SEMA3E: variants seen among roughly 807,000 people sequenced by gnomAD.
SEMA3E encodes semaphorin-3E.
A neutral mutation model predicts 93.6 loss-of-function variants in SEMA3E; 49 were observed. The ratio of observed to expected loss-of-function variants is 0.52; its 90% CI spans 0.42 to 0.66. The LOEUF is 0.66. Ranked by LOEUF, SEMA3E falls within the 30% of genes least tolerant of loss-of-function variation. The pLI, the probability that SEMA3E is intolerant of heterozygous loss-of-function variation, is 0.00. For synonymous variants in SEMA3E, 363 were observed against 330.7 expected (o/e 1.10, Z -1.06); for missense variants, 906 against 964.8 (o/e 0.94, Z 0.81).
intron 4 of SEMA3E, among the ~76,000 whole-genome samples, chr7:83,452,484 T>C (rs1404809673): frequency 6.6e-6 from 1 of 152,166 alleles, no homozygotes; most frequent in Non-Finnish European, 1.5e-5. Context: ...GCTGTTTCTC[T>C]CAGGGCCTTC....
chr7:83,605,416 C>T (rs1052153586), intron 1 of SEMA3E, among the ~76,000 whole-genome samples: 1 of 151,312 alleles, frequency 6.6e-6, no homozygotes, highest in Admixed American at 6.6e-5. Flanking sequence ...GTTTCTTGGC[C>T]GCATAAATGT....
chr7:83,629,798 G>A (rs928949424), intron 1 of SEMA3E, among the ~76,000 whole-genome samples: 3 of 152,222 alleles, frequency 2.0e-5, no homozygotes, highest in Non-Finnish European at 4.4e-5. Context: ...GGGAGCGAAC[G>A]GATCTGCCTC....
intron 2 of SEMA3E, among the ~76,000 whole-genome samples, chr7:83,478,670 C>T (rs1410635997): frequency 6.6e-6 from 1 of 152,130 alleles, no homozygotes; most frequent in Non-Finnish European, 1.5e-5. Context: ...CTACTACTGT[C>T]ACTAGCAACT....
chr7:83,460,207 C>G (rs1193001488), intron 4 of SEMA3E, among the ~76,000 whole-genome samples: 2 of 152,124 alleles, frequency 1.3e-5, no homozygotes, highest in South Asian at 2.1e-4. Context: ...AAAGATCCAC[C>G]TACGACCTCA....
In SEMA3E at chr7:83,394,297, C is replaced by A. The variant is rs767115234; in HGVS notation, c.1500G>T (p.Arg500=). ...PIISMEISSK[R]QQLYIGSASA... ...ACACACACACACACACAGAACTTACCCGCTTTGAAGAAATCTCCATAGAAA... is the reference window on the plus strand; with the variant it reads ...ACACACACACACACACAGAACTTACACGCTTTGAAGAAATCTCCATAGAAA... Residue 500 remains arginine, a splice_region_variant and synonymous_variant, in exon 13 of 17, where the codon CGG becomes CGT. Coordinates refer to ENST00000643230, the MANE Select transcript of SEMA3E (RefSeq NM_012431.3). 2.5e-5 allele frequency: 40 copies of A among 1,612,768 alleles called. No homozygotes were observed. The highest frequency in any genetic ancestry group is 3.3e-4 in the Middle Eastern group (2 of 6,072).
chr7:83,575,074 G>A (rs10281497), intron 1 of SEMA3E, among the ~76,000 whole-genome samples: 3 of 152,078 alleles, frequency 2.0e-5, no homozygotes, highest in African/African-American at 7.2e-5. Flanking sequence ...TAGTTTAGAT[G>A]TTGGCTTCAG....
intron 4 of SEMA3E, among the ~76,000 whole-genome samples, 165 bp downstream of exon 4, chr7:83,466,317 A>T (rs1789754451): frequency 6.6e-6 from 1 of 152,234 alleles, no homozygotes; most frequent in South Asian, 2.1e-4. Flanking sequence ...GTACTTGACA[A>T]GAATTTTAAA....
chr7:83,405,044 T>C (rs1440800107), intron 9 of SEMA3E, among the ~76,000 whole-genome samples: 2 of 152,018 alleles, frequency 1.3e-5, no homozygotes, highest in African/African-American at 2.4e-5. Context: ...ACAGTTGAGA[T>C]AGAACCTTGA....
chr7:83,436,576 A>T (rs1346803502), intron 4 of SEMA3E, among the ~76,000 whole-genome samples: 2 of 152,122 alleles, frequency 1.3e-5, no homozygotes, highest in Non-Finnish European at 2.9e-5. Flanking sequence ...AAGGAATGCA[A>T]GTAAAAGTCA....
chr7:83,470,118 T>C (rs1372466442), intron 2 of SEMA3E, among the ~76,000 whole-genome samples: 1 of 152,212 alleles, frequency 6.6e-6, no homozygotes, highest in Non-Finnish European at 1.5e-5. Context: ...GTTTTAATTG[T>C]ATTTTAAGAT....
At chr7:83,644,419 T>G (rs981783192) in intron 1 of SEMA3E, among the ~76,000 whole-genome samples, 3 of 151,940 alleles carry the variant, frequency 2.0e-5, no homozygotes, top group Non-Finnish European at 4.4e-5. Flanking sequence ...ACTCATAACA[T>G]TTTCAAGGTT....
chr7:83,394,271 TACACAC>T lies in SEMA3E; in HGVS notation c.1500+20_1500+25del. 2.7e-6 allele frequency: 4 copies of T among 1,489,208 alleles called. No homozygotes were observed. Among genetic ancestry groups the T allele is most frequent in the South Asian group, 1.2e-5 (1 of 83,802 alleles). 92.2% of individuals were successfully genotyped at this position (1,489,208 alleles called of 1,614,324 possible). The stretch of plus-strand genomic sequence containing the variant: ...AGCTCACATATAGAACACACACACC[TACACAC>T]ACACACACACAGAACTTACCCGCTT... On this transcript the variant is annotated intron_variant, in intron 13 of 16. Coordinates refer to ENST00000643230, the MANE Select transcript of SEMA3E (RefSeq NM_012431.3).
chr7:83,395,996 TACA>T (rs776972731), intron 12 of SEMA3E, among the ~76,000 whole-genome samples: 3 of 151,946 alleles, frequency 2.0e-5, no homozygotes, highest in Non-Finnish European at 4.4e-5. Flanking sequence ...AGTTCAGTGT[TACA>T]ACAACTTTGA....
chr7:83,397,421 C>A (rs1169498252), intron 11 of SEMA3E, among the ~76,000 whole-genome samples: 1 of 151,910 alleles, frequency 6.6e-6, no homozygotes, highest in Non-Finnish European at 1.5e-5. Flanking sequence ...CGAAACTATA[C>A]CTTTAGTCTT....
Position 83,390,143 on chromosome 7 carries a change from G to A in SEMA3E, c.1667+2412C>T, listed in dbSNP as rs1388869028. On this transcript the variant is annotated intron_variant, in intron 14 of 16. Transcript: ENST00000643230. ...CGCGTATACGTGTGCACATATATGC[G>A]CGTATACGTGTGCACATATATGCGC... 1.6e-4 allele frequency among the ~76,000 whole-genome samples: 6 copies of A among 37,200 alleles called. 1 individual carries two copies. In the East Asian group the frequency reaches 6.0e-3, roughly 37 times the overall value. The allele number at this position is 37,200 out of a possible 152,430, so 24.4% of individuals were successfully genotyped here.
chr7:83,541,860 A>G (rs976717975), intron 1 of SEMA3E, among the ~76,000 whole-genome samples: 1 of 142,552 alleles, frequency 7.0e-6, no homozygotes. Flanking sequence ...ATATCCTCTC[A>G]TGTTTCCAAG....
intron 1 of SEMA3E, among the ~76,000 whole-genome samples, chr7:83,530,802 C>A (rs949830866): frequency 6.6e-6 from 1 of 151,974 alleles, no homozygotes; most frequent in Non-Finnish European, 1.5e-5. Flanking sequence ...CACTTGAACC[C>A]GGGAGGCGGA....
chr7:83,420,926 G>GACT (rs1256516789), intron 4 of SEMA3E, among the ~76,000 whole-genome samples: 1 of 143,084 alleles, frequency 7.0e-6, no homozygotes, highest in Non-Finnish European at 1.6e-5. Flanking sequence ...AAGAGTTTTT[G>GACT]ACTTAGTCCT....
At chr7:83,608,139 G>A (rs1266505796) in intron 1 of SEMA3E, among the ~76,000 whole-genome samples, 1 of 152,006 alleles carries the variant, frequency 6.6e-6, no homozygotes, top group Non-Finnish European at 1.5e-5. Context: ...CTTGAACCCA[G>A]GAGGCAGAGG....
Sources: allele counts gnomAD v4.1 joint callset (sites outside exome capture counted in the v4.1 genomes callset), GRCh38; gene constraint gnomAD v4.1.1; transcripts MANE v1.5; gene names NCBI Gene and HGNC (gene_info 2026-07-23, HGNC 2026-07-21).